CHRM3: variants seen among roughly 807,000 people sequenced by gnomAD.
CHRM3 encodes the protein cholinergic receptor muscarinic 3.
A neutral mutation model predicts 41.8 loss-of-function variants in CHRM3; 11 were observed. The ratio of observed to expected loss-of-function variants is 0.26; its 90% CI spans 0.17 to 0.44. The LOEUF (loss-of-function observed/expected upper bound fraction) is 0.44. CHRM3 is among the 20% of genes least tolerant of loss of function. The pLI, the probability that CHRM3 is intolerant of heterozygous loss-of-function variation, is 1.00. For synonymous variants in CHRM3, 297 were observed against 301.4 expected, an observed-to-expected ratio of 0.99 and a Z score of 0.15; for missense variants, 571 against 745.4, an observed-to-expected ratio of 0.77 and a Z score of 2.72.
chr1:239,730,645 G>A (rs979433595), intron 5 of CHRM3, among the ~76,000 whole-genome samples: 2 of 151,958 alleles, frequency 1.3e-5, no homozygotes, highest in Non-Finnish European at 2.9e-5. Flanking sequence ...TCTAGGAGCT[G>A]CAAGTTTAGG....
chr1:239,623,564 T>G (rs1668677048), intron 3 of CHRM3, among the ~76,000 whole-genome samples: 1 of 111,442 alleles, frequency 9.0e-6, no homozygotes, highest in African/African-American at 3.5e-5. Flanking sequence ...TAGTTACATA[T>G]GTATACATGT....
intron 5 of CHRM3, among the ~76,000 whole-genome samples, chr1:239,679,016 G>GAT (rs1452016999): frequency 1.5e-5 from 2 of 137,420 alleles, no homozygotes; most frequent in African/African-American, 5.4e-5. Context: ...AACATAGATA[G>GAT]GTAGATAGAT....
chr1:239,426,688 CT>C (rs1357601330), intron 1 of CHRM3, among the ~76,000 whole-genome samples: 3 of 152,136 alleles, frequency 2.0e-5, no homozygotes. Flanking sequence ...AACCAACACA[CT>C]TACTGGTTCA....
chr1:239,693,423 A>G (rs979726563), intron 5 of CHRM3, among the ~76,000 whole-genome samples: 3 of 152,078 alleles, frequency 2.0e-5, no homozygotes, highest in Non-Finnish European at 2.9e-5. Flanking sequence ...CAAGCCAAGG[A>G]AGAGAGCCCT....
At chr1:239,839,659 G>C (rs1190594583) in intron 6 of CHRM3, among the ~76,000 whole-genome samples, 6 of 152,126 alleles carry the variant, frequency 3.9e-5, no homozygotes, top group Non-Finnish European at 8.8e-5. Flanking sequence ...TGGTTTAAAT[G>C]TTTTAAAATA....
At chr1:239,632,616 A>G (rs1669977028) in intron 4 of CHRM3, among the ~76,000 whole-genome samples, 1 of 152,192 alleles carries the variant, frequency 6.6e-6, no homozygotes, top group Non-Finnish European at 1.5e-5. Context: ...CATATATAGG[A>G]TCTTATAGCT....
chr1:239,810,383 G>A (rs562288135), intron 5 of CHRM3, among the ~76,000 whole-genome samples: 2 of 152,268 alleles, frequency 1.3e-5, no homozygotes, highest in Admixed American at 6.5e-5. Flanking sequence ...TCCCCAGGGC[G>A]GAGGGGACCA....
In CHRM3 at chr1:239,404,400, GAAAGAAAGAAAAAGAA is replaced by G. The variant is rs1558195475; in HGVS notation, c.-521+17175_-521+17190del. Reference sequence around the variant, plus strand: ...AGAAAGAAAGAAAGAAAGAAAGAAAGAAAGAAAGAAAAAGAAAGAAAGAAAGAAAGAAAGAAAGAAA... The same window carrying G: ...AGAAAGAAAGAAAGAAAGAAAGAAAGAGAAAGAAAGAAAGAAAGAAAGAAA... On this transcript the variant is annotated intron_variant, in intron 1 of 6. Coordinates refer to ENST00000676153, the MANE Select transcript of CHRM3 (RefSeq NM_001375978.1). 7.2e-3 allele frequency among the ~76,000 whole-genome samples: 424 copies of G among 59,018 alleles called. 12 individuals are homozygous for G. The highest frequency in any genetic ancestry group is 8.9e-3 in the Admixed American group (46 of 5,196). 38.7% of individuals were successfully genotyped at this position (59,018 alleles called of 152,430 possible). A position where few individuals can be genotyped will look rare whatever the true frequency, so the allele number is the denominator to read the frequency against.
intron 1 of CHRM3, among the ~76,000 whole-genome samples, chr1:239,396,861 A>T (rs998296921): frequency 6.6e-6 from 1 of 152,224 alleles, no homozygotes; most frequent in African/African-American, 2.4e-5. Flanking sequence ...ACTTGACTTT[A>T]AATGTAAATC....
chr1:239,826,357 C>T (rs1672462319), intron 5 of CHRM3, among the ~76,000 whole-genome samples: 1 of 152,094 alleles, frequency 6.6e-6, no homozygotes, highest in Non-Finnish European at 1.5e-5. Flanking sequence ...CAGGAAACAT[C>T]GGATGAGTAA....
chr1:239,448,121 C>T (rs1664286252), intron 1 of CHRM3, among the ~76,000 whole-genome samples: 1 of 152,130 alleles, frequency 6.6e-6, no homozygotes, highest in Non-Finnish European at 1.5e-5. Context: ...AACTGAAGAC[C>T]ATAGCTTATA....
rs186456727 is a variant in CHRM3 at position 239,454,436 on chromosome 1, C to T, written c.-520-38273C>T. On this transcript the variant is annotated intron_variant, in intron 1 of 6. Coordinates refer to ENST00000676153, the MANE Select transcript of CHRM3 (RefSeq NM_001375978.1). Reference sequence around the variant, plus strand: ...GCCCTCTCCAGGCGAGCCACCTTCCCGGCACCTGGAAGCTCTCTGAGCCCT... The same window carrying T: ...GCCCTCTCCAGGCGAGCCACCTTCCTGGCACCTGGAAGCTCTCTGAGCCCT... 2.8e-3 allele frequency among the ~76,000 whole-genome samples: 421 copies of T among 151,266 alleles called. 4 individuals are homozygous for T. The highest frequency in any genetic ancestry group is 5.1e-3 in the Non-Finnish European group (346 of 67,932).
chr1:239,884,721 C>T (rs1194352353), intron 6 of CHRM3, among the ~76,000 whole-genome samples: 2 of 152,126 alleles, frequency 1.3e-5, no homozygotes, highest in South Asian at 2.1e-4. Context: ...CTGAACTGTG[C>T]ATGCCTATAC....
chr1:239,572,625 A>T (rs1661932936), intron 3 of CHRM3, among the ~76,000 whole-genome samples: 1 of 152,170 alleles, frequency 6.6e-6, no homozygotes, highest in Admixed American at 6.6e-5. Flanking sequence ...TTCTGTTCTC[A>T]TTAGGTATTT....
At chr1:239,450,512 T>A (rs553460153) in intron 1 of CHRM3, among the ~76,000 whole-genome samples, 1 of 152,336 alleles carries the variant, frequency 6.6e-6, no homozygotes, top group South Asian at 2.1e-4. Flanking sequence ...TCATCCCAGA[T>A]GTATAGCATA....
chr1:239,523,291 C>T (rs1669776660), intron 2 of CHRM3, among the ~76,000 whole-genome samples: 1 of 152,136 alleles, frequency 6.6e-6, no homozygotes, highest in South Asian at 2.1e-4. Context: ...TACCATTCTA[C>T]CTCACTAAAT....
At chr1:239,678,804 G>T (rs1234155356) in intron 5 of CHRM3, among the ~76,000 whole-genome samples, 1 of 152,052 alleles carries the variant, frequency 6.6e-6, no homozygotes, top group African/African-American at 2.4e-5. Flanking sequence ...CAAACACTAA[G>T]ATTTTGTGAC....
intron 2 of CHRM3, among the ~76,000 whole-genome samples, chr1:239,508,200 A>G (rs947183426): frequency 1.3e-5 from 2 of 152,228 alleles, no homozygotes; most frequent in African/African-American, 4.8e-5. Flanking sequence ...AGGTGAGGCT[A>G]TGCATTTTCC....
chr1:239,866,768 A>G (rs1267832087), intron 6 of CHRM3, among the ~76,000 whole-genome samples: 1 of 152,250 alleles, frequency 6.6e-6, no homozygotes, highest in Non-Finnish European at 1.5e-5. Context: ...TAGGAGGAAT[A>G]AAATACTAGC....
Sources: gnomAD v4.1 joint callset for allele counts (sites outside exome capture counted in the v4.1 genomes callset) on GRCh38, gnomAD v4.1.1 for gene constraint, MANE v1.5 for transcripts, NCBI Gene and HGNC (gene_info 2026-07-23, HGNC 2026-07-21) for gene names.